The following RBFOX1 variants were observed in gnomAD, a reference collection of about 807,000 sequenced individuals.
The protein encoded by RBFOX1 is RNA binding protein fox-1 homolog 1.
Under a neutral mutation model 57.7 loss-of-function variants are expected in RBFOX1, and 8 were observed. The observed-to-expected ratio is 0.14, with a 90% CI of 0.08 to 0.25. The LOEUF (loss-of-function observed/expected upper bound fraction) is 0.25, where lower values mean the gene tolerates loss of function less well. Among genes scored for constraint, RBFOX1 ranks in the 10% least tolerant of loss-of-function variants. The probability of loss-of-function intolerance (pLI) is 1.00; values close to 1 mark genes in which losing one functional copy is unlikely to be tolerated. For synonymous variants in RBFOX1, 326 were observed against 222.4 expected, an observed-to-expected ratio of 1.47 and a Z score of -4.15; for missense variants, 611 against 548.5, an observed-to-expected ratio of 1.11 and a Z score of -1.14.
intron 3 of RBFOX1, among the ~76,000 whole-genome samples, chr16:6,919,928 T>G (rs984676191): frequency 6.6e-6 from 1 of 152,094 alleles, no homozygotes; most frequent in African/African-American, 2.4e-5. Flanking sequence ...TTTTATCCTT[T>G]ACCCCCTCCC....
At chr16:5,433,780 C>G (rs1338302062) in intron 1 of RBFOX1, among the ~76,000 whole-genome samples, 1 of 152,182 alleles carries the variant, frequency 6.6e-6, no homozygotes, top group African/African-American at 2.4e-5. Context: ...TCAGGCCCTT[C>G]TTGTTCACCG....
chr16:6,883,889 G>C (rs923747688), intron 3 of RBFOX1, among the ~76,000 whole-genome samples: 6 of 151,744 alleles, frequency 4.0e-5, no homozygotes, highest in African/African-American at 1.2e-4. Flanking sequence ...TTTAATAAAA[G>C]CTGAGACTTA....
At chr16:7,705,010 C>T (rs2081980063) in intron 14 of RBFOX1, among the ~76,000 whole-genome samples, 1 of 147,644 alleles carries the variant, frequency 6.8e-6, no homozygotes, top group African/African-American at 2.5e-5. Flanking sequence ...TGTCACTGCA[C>T]TCCAGCCGAG....
At chr16:7,157,770 G>T (rs1324521287) in intron 4 of RBFOX1, among the ~76,000 whole-genome samples, 7 of 152,110 alleles carry the variant, frequency 4.6e-5, no homozygotes, top group African/African-American at 1.7e-4. Flanking sequence ...ACAAAAATCA[G>T]ACTCTAGGCA....
intron 4 of RBFOX1, among the ~76,000 whole-genome samples, chr16:5,883,294 T>C (rs1421802246): frequency 6.6e-6 from 1 of 152,172 alleles, no homozygotes; most frequent in East Asian, 1.9e-4. Context: ...AATATATGTG[T>C]GTTAAAATCA....
chr16:6,404,032 G>A (rs1484208540), intron 2 of RBFOX1, among the ~76,000 whole-genome samples: 1 of 152,084 alleles, frequency 6.6e-6, no homozygotes, highest in Non-Finnish European at 1.5e-5. Flanking sequence ...ATCTGAGAGT[G>A]TAAATTTATG....
chr16:5,814,094 C>G (rs1164042964), intron 3 of RBFOX1, among the ~76,000 whole-genome samples: 4 of 152,152 alleles, frequency 2.6e-5, no homozygotes, highest in South Asian at 4.1e-4. Flanking sequence ...TCGAAGTTAA[C>G]TAACCTGTAA....
intron 10 of RBFOX1, among the ~76,000 whole-genome samples, chr16:7,616,542 G>A (rs960326584): frequency 6.6e-6 from 1 of 152,158 alleles, no homozygotes; most frequent in African/African-American, 2.4e-5. Context: ...TGTGGTCCAA[G>A]GCCTCAGGCA....
chr16:7,477,431 G>A (rs995366980), intron 4 of RBFOX1, among the ~76,000 whole-genome samples: 3 of 152,122 alleles, frequency 2.0e-5, no homozygotes, highest in African/African-American at 7.2e-5. Context: ...TTGTGCATCT[G>A]GTTTTACATC....
chr16:6,025,456 G>T (rs565312368), intron 1 of RBFOX1, among the ~76,000 whole-genome samples: 2 of 152,196 alleles, frequency 1.3e-5, no homozygotes, highest in Admixed American at 1.3e-4. Flanking sequence ...AGCCTACTTA[G>T]ATTTTCTTTC....
chr16:5,595,573 C>T (rs1041425010), intron 2 of RBFOX1, among the ~76,000 whole-genome samples: 7 of 152,150 alleles, frequency 4.6e-5, no homozygotes, highest in Non-Finnish European at 1.0e-4. Flanking sequence ...CTCTGTACGC[C>T]TCAAGAATTT....
At chr16:7,023,441 C>A (rs1316859524) in intron 3 of RBFOX1, among the ~76,000 whole-genome samples, 2 of 149,656 alleles carry the variant, frequency 1.3e-5, no homozygotes, top group Non-Finnish European at 3.0e-5. Flanking sequence ...GCCTGGATGA[C>A]AGAGTGAGAC....
At position 5,598,608 on chromosome 16, in the gene RBFOX1, TG is replaced by T. The variant is rs2047264967; in HGVS notation, c.259-293del. Among the ~76,000 whole-genome samples, 3 of 152,250 alleles carry T rather than the reference TG, an allele frequency of 2.0e-5. No individual in the cohort carries two copies. In the South Asian group the frequency reaches 6.2e-4, roughly 32 times the overall value. ...TAATGAAATATTAATATTAATGAGG[TG>T]TTTTATATTCATTTTCTTCATCATG... is the stretch of plus-strand genomic sequence containing the variant. On this transcript the variant is annotated intron_variant, in intron 2 of 2. Transcript: ENST00000585867.
chr16:5,501,229 A>C (rs1482322271), intron 2 of RBFOX1, among the ~76,000 whole-genome samples: 9 of 147,800 alleles, frequency 6.1e-5, no homozygotes, highest in South Asian at 4.2e-4. Flanking sequence ...GAGACAGGAG[A>C]ATCGATTGAA....
At chr16:5,731,749 G>A (rs142183944) in intron 3 of RBFOX1, among the ~76,000 whole-genome samples, 20 of 152,278 alleles carry the variant, frequency 1.3e-4, no homozygotes, top group African/African-American at 4.1e-4. Context: ...GGAGAATAGC[G>A]GTTGAACTGT....
intron 4 of RBFOX1, among the ~76,000 whole-genome samples, chr16:7,324,233 C>A (rs1220536371): frequency 6.6e-6 from 1 of 152,064 alleles, no homozygotes; most frequent in Non-Finnish European, 1.5e-5. Context: ...CACTTAGCTT[C>A]TAAAGAGAAA....
Position 7,267,653 on chromosome 16 carries a change from G to C in RBFOX1, c.27+215555G>C, listed in dbSNP as rs140155384. Among the ~76,000 whole-genome samples the C allele has an allele frequency of 2.9e-3, 448 of 152,176 alleles. 1 individual carries two copies. The highest frequency in any genetic ancestry group is 0.01 in the African/African-American group (427 of 41,528). On this transcript the variant is annotated intron_variant, in intron 4 of 15. Coordinates refer to ENST00000550418, the MANE Select transcript of RBFOX1 (RefSeq NM_018723.4). Reference sequence around the variant, plus strand: ...GCGGATCACTTGAGGTCAGGAGTTCGAGACCAGCCTGGCCAACATGGCAAA... The same window carrying C: ...GCGGATCACTTGAGGTCAGGAGTTCCAGACCAGCCTGGCCAACATGGCAAA...
chr16:5,378,334 C>T (rs781332036), intron 1 of RBFOX1, among the ~76,000 whole-genome samples: 24 of 151,590 alleles, frequency 1.6e-4, no homozygotes, highest in South Asian at 2.1e-4. Context: ...GCCACCCAGT[C>T]GGACTCTCGC....
chr16:5,283,552 G>T (rs56234000), intron 1 of RBFOX1, among the ~76,000 whole-genome samples: 18,623 of 152,170 alleles, frequency 0.12, 1,446 homozygotes, highest in Non-Finnish European at 0.17. Context: ...CAAGGCCATG[G>T]GAGCCCACCT....
Sources: gnomAD v4.1 joint callset for allele counts (sites outside exome capture counted in the v4.1 genomes callset) on GRCh38, gnomAD v4.1.1 for gene constraint, MANE v1.5 for transcripts, NCBI Gene and HGNC (gene_info 2026-07-23, HGNC 2026-07-21) for gene names.